KPNA3: variants seen among roughly 807,000 people sequenced by gnomAD.
KPNA3 encodes the protein importin subunit alpha-4.
A neutral mutation model predicts 73.8 loss-of-function variants in KPNA3; 13 were observed. The ratio of observed to expected loss-of-function variants is 0.18; its 90% CI spans 0.11 to 0.28. The LOEUF (loss-of-function observed/expected upper bound fraction) is 0.28. KPNA3 is among the 10% of genes least tolerant of loss of function. The probability of loss-of-function intolerance (pLI) is 1.00; values close to 1 mark genes in which losing one functional copy is unlikely to be tolerated. For missense variants in KPNA3, 360 were observed against 618.1 expected (o/e 0.58, Z 4.43); for synonymous variants, 186 against 206.9 (o/e 0.90, Z 0.87).
intron 1 of KPNA3, among the ~76,000 whole-genome samples, chr13:49,777,853 T>C (rs543691443): frequency 1.7e-4 from 26 of 152,190 alleles, no homozygotes; most frequent in Admixed American, 1.6e-3. Context: ...TACTGCAATA[T>C]GAGGAAACCT....
intron 1 of KPNA3, among the ~76,000 whole-genome samples, chr13:49,762,154 G>C (rs1248243114): frequency 6.6e-6 from 1 of 150,684 alleles, no homozygotes; most frequent in Admixed American, 6.6e-5. Flanking sequence ...GGAGGGAGGT[G>C]GGGGGCAGCC....
At chr13:49,776,125 A>AGGCTGGTCTC (rs1446951574) in intron 1 of KPNA3, among the ~76,000 whole-genome samples, 2 of 152,188 alleles carry the variant, frequency 1.3e-5, no homozygotes, top group African/African-American at 2.4e-5. Flanking sequence ...CATGTTGACC[A>AGGCTGGTCTC]GGCTGGTCTC....
chr13:49,769,922 T>C (rs1954839407), intron 1 of KPNA3, among the ~76,000 whole-genome samples: 1 of 152,226 alleles, frequency 6.6e-6, no homozygotes, highest in Admixed American at 6.5e-5. Flanking sequence ...TGTTTGATTT[T>C]AGCCATTTTA....
intron 1 of KPNA3, among the ~76,000 whole-genome samples, chr13:49,749,090 G>A (rs1954641262): frequency 1.3e-5 from 2 of 152,158 alleles, no homozygotes; most frequent in South Asian, 2.1e-4. Context: ...AAAAGATGAT[G>A]CATAACAAAA....
At chr13:49,769,723 A>G (rs990744545) in intron 1 of KPNA3, among the ~76,000 whole-genome samples, 20 of 152,232 alleles carry the variant, frequency 1.3e-4, no homozygotes, top group Non-Finnish European at 2.6e-4. Context: ...GGATATTATG[A>G]TAATGCTATA....
chr13:49,736,065 A>G (rs908869706), intron 2 of KPNA3, among the ~76,000 whole-genome samples: 2 of 152,182 alleles, frequency 1.3e-5, no homozygotes, highest in South Asian at 4.1e-4. Flanking sequence ...CAAGCTTGAA[A>G]TAAGTAATTA....
chr13:49,792,382 C>T, intron 1 of KPNA3, 56 bp downstream of exon 1: 1 of 1,345,586 alleles, frequency 7.4e-7, no homozygotes, highest in Non-Finnish European at 1.0e-6. Flanking sequence ...CCCGCCCCTC[C>T]CCGCGTCGCC....
rs1049433108 is a variant in KPNA3, at chr13:49,722,036, G to C, written c.645C>G (p.Thr215=). 1 of 1,611,874 alleles carries C rather than the reference G, an allele frequency of 6.2e-7. No homozygotes were observed. The highest frequency in any genetic ancestry group is 8.5e-7 in the Non-Finnish European group (1 of 1,178,490). The change falls in exon 9 of 17, where the codon ACC becomes ACG. Residue 215 remains threonine, a synonymous_variant. Coordinates refer to ENST00000261667, the MANE Select transcript of KPNA3 (RefSeq NM_002267.4). ...TGACCCATGTGACGTTCCGAAGGAA[G>C]GTGATGGGGATGGAGGGACTGATGA... ...LSFISPSIPI[T]FLRNVTWVIV... is the part of the protein sequence containing the mutation.
At chr13:49,726,400 A>G (rs1015345882) in intron 6 of KPNA3, among the ~76,000 whole-genome samples, 2 of 152,256 alleles carry the variant, frequency 1.3e-5, no homozygotes, top group Non-Finnish European at 2.9e-5. Flanking sequence ...ACAGTGGGAA[A>G]TAAAACAGGT....
Position 49,792,562 on chromosome 13 carries a change from G to GGCT in KPNA3, c.-57_-56insAGC. The GGCT allele has an allele frequency of 2.4e-6, 2 of 816,756 alleles. No homozygotes were observed. Among genetic ancestry groups the GGCT allele is most frequent in the Non-Finnish European group, 3.8e-6 (2 of 530,426 alleles). The allele number at this position is 816,756 out of a possible 1,614,324, so 50.6% of individuals were successfully genotyped here. On this transcript the variant is annotated 5_prime_UTR_variant, in exon 1 of 17. Transcript: ENST00000261667. ...CTGCGGCTGCGGCGGCGGCGGCGGCGAATCTTGGAGCGGGAGGGGGAGGAG... is the reference window on the plus strand; with the variant it reads ...CTGCGGCTGCGGCGGCGGCGGCGGCGGCTAATCTTGGAGCGGGAGGGGGAGGAG...
At chr13:49,769,825 G>A (rs780851853) in intron 1 of KPNA3, among the ~76,000 whole-genome samples, 4 of 152,186 alleles carry the variant, frequency 2.6e-5, no homozygotes, top group African/African-American at 7.2e-5. Context: ...TTAACATCTC[G>A]AACTGCTATT....
At position 49,732,375 on chromosome 13, in the gene KPNA3, C is replaced by A. The variant is rs750951118; in HGVS notation, c.379G>T (p.Asp127Tyr). The change falls in exon 6 of 17, where the codon GAT (aspartate) becomes TAT (tyrosine). Residue 127 changes from aspartate to tyrosine, a missense_variant. Around this residue, in one of 3 missense-constraint regions of KPNA3, gnomAD observed 287 missense variants for 549.1 expected, o/e 0.52. Coordinates refer to ENST00000261667, the MANE Select transcript of KPNA3 (RefSeq NM_002267.4). The part of the protein sequence containing the change: ...PILVKCLERD[D>Y]NPSLQFEAAW... ...GGGAGTAAAATCCATACTTACTTAT[C>A]ATCCCTTTCTAGACATTTGACTAGA... 3 of 1,512,858 alleles carry A rather than the reference C, an allele frequency of 2.0e-6. No individual in the cohort carries two copies. Among genetic ancestry groups the A allele is most frequent in the Non-Finnish European group, 2.7e-6 (3 of 1,102,334 alleles). The allele number at this position is 1,512,858 out of a possible 1,614,324, so 93.7% of individuals were successfully genotyped here.
intron 1 of KPNA3, among the ~76,000 whole-genome samples, chr13:49,749,275 G>A (rs917947896): frequency 9.9e-5 from 15 of 152,166 alleles, no homozygotes; most frequent in African/African-American, 2.9e-4. Flanking sequence ...CCCTAAACAG[G>A]AGTTAGCTCC....
chr13:49,717,390 A>G (rs1273637596), intron 10 of KPNA3, among the ~76,000 whole-genome samples: 2 of 145,210 alleles, frequency 1.4e-5, no homozygotes, highest in Non-Finnish European at 3.0e-5. Context: ...AGATCGCGCC[A>G]CTGCACTCCA....
At chr13:49,788,823 T>TC (rs1955007524) in intron 1 of KPNA3, among the ~76,000 whole-genome samples, 1 of 149,674 alleles carries the variant, frequency 6.7e-6, no homozygotes, top group Non-Finnish European at 1.5e-5. Context: ...ACAAAATGCA[T>TC]CCCCTACCCA....
intron 1 of KPNA3, among the ~76,000 whole-genome samples, chr13:49,785,258 G>T (rs1229749059): frequency 6.6e-6 from 1 of 152,128 alleles, no homozygotes; most frequent in African/African-American, 2.4e-5. Flanking sequence ...ACAGGAAGGT[G>T]ACAGGTAATA....
intron 1 of KPNA3, among the ~76,000 whole-genome samples, chr13:49,758,340 C>A (rs1954729380): frequency 6.6e-6 from 1 of 152,036 alleles, no homozygotes; most frequent in African/African-American, 2.4e-5. Flanking sequence ...AAGAAATGAA[C>A]CTAAACGTGT....
At chr13:49,754,274 C>G (rs1954691708) in intron 1 of KPNA3, among the ~76,000 whole-genome samples, 1 of 152,076 alleles carries the variant, frequency 6.6e-6, no homozygotes, top group South Asian at 2.1e-4. Context: ...GCACTCCAGC[C>G]TGGGTGACAG....
At chr13:49,736,359 A>T (rs1259151324) in intron 2 of KPNA3, among the ~76,000 whole-genome samples, 4 of 152,298 alleles carry the variant, frequency 2.6e-5, no homozygotes, top group South Asian at 2.1e-4. Context: ...ATTAAAACAA[A>T]TTTTTTAAAA....
Sources: allele counts gnomAD v4.1 joint callset (sites outside exome capture counted in the v4.1 genomes callset), GRCh38; gene constraint gnomAD v4.1.1; regional missense constraint gnomAD v4.1.1; transcripts MANE v1.5; gene names NCBI Gene and HGNC (gene_info 2026-07-23, HGNC 2026-07-21).